The following ALCAM variants were observed in gnomAD, a reference collection of about 807,000 sequenced individuals.
ALCAM encodes activated leukocyte cell adhesion molecule, also known as CD166 antigen.
ALCAM carries 30 observed loss-of-function variants against 70.9 expected under a neutral mutation model. The ratio of observed to expected loss-of-function variants is 0.42; its 90% confidence interval spans 0.32 to 0.57. The LOEUF (loss-of-function observed/expected upper bound fraction) is 0.57, where lower values mean the gene tolerates loss of function less well. Among genes scored for constraint, ALCAM ranks in the 20% least tolerant of loss-of-function variants. ALCAM has a pLI of 0.11. For missense variants in ALCAM, 591 were observed against 695.1 expected (o/e 0.85, Z 1.68); for synonymous variants, 249 against 242.5 (o/e 1.03, Z -0.25).
At chr3:105,382,625 T>C (rs943058816) in intron 1 of ALCAM, among the ~76,000 whole-genome samples, 1 of 151,874 alleles carries the variant, frequency 6.6e-6, no homozygotes, top group Non-Finnish European at 1.5e-5. Flanking sequence ...TTTTAATGAT[T>C]GCCATTCTAA....
chr3:105,409,854 A>G (rs1019057458), intron 1 of ALCAM, among the ~76,000 whole-genome samples: 2 of 152,050 alleles, frequency 1.3e-5, no homozygotes, highest in African/African-American at 2.4e-5. Flanking sequence ...GATGTTTTAT[A>G]TTCACACCAA....
chr3:105,397,320 GT>G (rs1935980278), intron 1 of ALCAM, among the ~76,000 whole-genome samples: 1 of 151,966 alleles, frequency 6.6e-6, no homozygotes, highest in Admixed American at 6.6e-5. Context: ...TCTTCTGCAA[GT>G]TGTACACATG....
chr3:105,434,187 T>C (rs1228239286), intron 1 of ALCAM, among the ~76,000 whole-genome samples: 1 of 152,182 alleles, frequency 6.6e-6, no homozygotes, highest in African/African-American at 2.4e-5. Context: ...ACTAATAATG[T>C]GTTGTGCTAA....
At chr3:105,453,881 T>G (rs2152592881) in intron 1 of ALCAM, among the ~76,000 whole-genome samples, 1 of 152,344 alleles carries the variant, frequency 6.6e-6, no homozygotes, top group Non-Finnish European at 1.5e-5. Flanking sequence ...TCGTCTCTTG[T>G]TGGTGTAAAT....
chr3:105,541,608 T>C (rs1378130873), intron 7 of ALCAM, 25 bp from the exon 8 acceptor site: 1 of 1,609,220 alleles, frequency 6.2e-7, no homozygotes, highest in African/African-American at 1.3e-5. Flanking sequence ...AGTATAATCA[T>C]CTGACATTTT....
At chr3:105,398,733 G>T (rs1936013372) in intron 1 of ALCAM, among the ~76,000 whole-genome samples, 2 of 152,024 alleles carry the variant, frequency 1.3e-5, no homozygotes, top group Admixed American at 6.6e-5. Context: ...ACCATAGCAT[G>T]TTTAGGAGAG....
chr3:105,442,733 A>T (rs917696016), intron 1 of ALCAM, among the ~76,000 whole-genome samples: 5 of 152,086 alleles, frequency 3.3e-5, no homozygotes, highest in African/African-American at 1.2e-4. Context: ...GTGAGCCGAG[A>T]TCGCACCACT....
chr3:105,453,572 A>G (rs1028705220), intron 1 of ALCAM, among the ~76,000 whole-genome samples: 2 of 152,180 alleles, frequency 1.3e-5, no homozygotes, highest in Admixed American at 6.5e-5. Context: ...TTTTGATTCC[A>G]TATGAAATTT....
chr3:105,431,287 TAA>T (rs1293130007), intron 1 of ALCAM, among the ~76,000 whole-genome samples: 2 of 152,172 alleles, frequency 1.3e-5, no homozygotes, highest in African/African-American at 4.8e-5. Context: ...TGATCTGGGT[TAA>T]GTTTGGCTGA....
chr3:105,513,199 T>G (rs1033943581), intron 1 of ALCAM: 14 of 151,642 alleles, frequency 9.2e-5, no homozygotes, highest in African/African-American at 3.4e-4. Context: ...ATAGACCCCA[T>G]AGCCTGGCCA....
At chr3:105,523,308 G>A (rs961051237) in intron 2 of ALCAM, among the ~76,000 whole-genome samples, 2 of 152,122 alleles carry the variant, frequency 1.3e-5, no homozygotes, top group South Asian at 2.1e-4. Flanking sequence ...GAGGATTTGC[G>A]TTGTAAACCT....
chr3:105,527,140 T>C (rs1164778006), intron 3 of ALCAM, among the ~76,000 whole-genome samples: 1 of 152,196 alleles, frequency 6.6e-6, no homozygotes, highest in Non-Finnish European at 1.5e-5. Flanking sequence ...TTTTTTCTTT[T>C]AGTTGAATGG....
At chr3:105,482,764 G>A (rs1396491785) in intron 1 of ALCAM, among the ~76,000 whole-genome samples, 2 of 152,064 alleles carry the variant, frequency 1.3e-5, no homozygotes, top group African/African-American at 4.8e-5. Context: ...AAAAAGCAAT[G>A]TAATTTGCTA....
Position 105,414,243 on chromosome 3 carries a change from C to CA in ALCAM, c.73+46777dup, listed in dbSNP as rs11336904. On this transcript the variant is annotated intron_variant, in intron 1 of 15. Transcript: ENST00000306107. Reference sequence around the variant, plus strand: ...GATGGAATGATGAAATTCCATCTTACAAAAAAAAAAAAAAATGCAGAAATT... The same window carrying CA: ...GATGGAATGATGAAATTCCATCTTACAAAAAAAAAAAAAAAATGCAGAAATT... 9.7e-3 allele frequency among the ~76,000 whole-genome samples: 1,340 copies of CA among 138,606 alleles called. 9 individuals are homozygous for CA. Among genetic ancestry groups the CA allele is most frequent in the Non-Finnish European group, 0.015 (976 of 63,164 alleles). 90.9% of individuals were successfully genotyped at this position (138,606 alleles called of 152,430 possible). A position where few individuals can be genotyped will look rare whatever the true frequency, so the allele number is the denominator to read the frequency against.
At chr3:105,375,897 A>G (rs966501702) in intron 1 of ALCAM, among the ~76,000 whole-genome samples, 2 of 152,238 alleles carry the variant, frequency 1.3e-5, no homozygotes, top group Admixed American at 6.5e-5. Context: ...GTGTGACAAC[A>G]GCAAAGACGC....
At chr3:105,570,543 C>A (rs1360666513) in intron 14 of ALCAM, among the ~76,000 whole-genome samples, 1 of 151,962 alleles carries the variant, frequency 6.6e-6, no homozygotes. Flanking sequence ...ACAGCCAAGA[C>A]CAACAAGAGC....
At chr3:105,469,528 C>G (rs1559802210) in intron 1 of ALCAM, among the ~76,000 whole-genome samples, 1 of 151,146 alleles carries the variant, frequency 6.6e-6, no homozygotes, top group African/African-American at 2.4e-5. Context: ...AATTAAAAGT[C>G]AAAACCTAGA....
intron 1 of ALCAM, among the ~76,000 whole-genome samples, chr3:105,472,497 A>G (rs574271368): frequency 6.6e-6 from 1 of 151,672 alleles, no homozygotes. Flanking sequence ...ACCAGCAGCT[A>G]GCACCCTCTT....
chr3:105,429,491 A>T (rs1416044929), intron 1 of ALCAM, among the ~76,000 whole-genome samples: 4 of 151,942 alleles, frequency 2.6e-5, no homozygotes, highest in Admixed American at 2.6e-4. Context: ...CATCTAGGGG[A>T]TCTCCATGAA....
Sources: gnomAD v4.1 joint callset for allele counts (sites outside exome capture counted in the v4.1 genomes callset) on GRCh38, gnomAD v4.1.1 for gene constraint, MANE v1.5 for transcripts, NCBI Gene and HGNC (gene_info 2026-07-23, HGNC 2026-07-21) for gene names.